The following HMGA2 variants were observed in gnomAD, a reference collection of about 807,000 sequenced individuals.
The protein encoded by HMGA2 is high mobility group AT-hook 2, also known as high mobility group protein HMGI-C.
In HMGA2, 8 loss-of-function variants were observed where a neutral mutation model predicts 19.1. That is an observed-to-expected ratio of 0.42 (90% CI 0.25 to 0.76). The LOEUF (loss-of-function observed/expected upper bound fraction) is 0.76. Among genes scored for constraint, HMGA2 ranks in the 30% least tolerant of loss-of-function variants. The pLI, the probability that HMGA2 is intolerant of heterozygous loss-of-function variation, is 0.28. For missense variants in HMGA2, 109 were observed against 136.3 expected (o/e 0.80, Z 1.00); for synonymous variants, 60 against 48.8 (o/e 1.23, Z -0.96).
intron 3 of HMGA2, among the ~76,000 whole-genome samples, chr12:65,890,352 T>C (rs1417263802): frequency 1.3e-5 from 2 of 152,220 alleles, no homozygotes; most frequent in Admixed American, 1.3e-4. Flanking sequence ...GTTGGATGAA[T>C]GATGGACTGA....
At chr12:65,949,061 T>C (rs1008924395) in intron 3 of HMGA2, among the ~76,000 whole-genome samples, 2 of 152,120 alleles carry the variant, frequency 1.3e-5, no homozygotes, top group Non-Finnish European at 2.9e-5. Context: ...CAAATGACCC[T>C]TTGGAAATGA....
At chr12:65,905,881 CTAAA>C (rs1245498308) in intron 3 of HMGA2, among the ~76,000 whole-genome samples, 1 of 152,054 alleles carries the variant, frequency 6.6e-6, no homozygotes, top group Non-Finnish European at 1.5e-5. Context: ...ATTTTAAAAG[CTAAA>C]TATAGAGTCT....
chr12:65,938,883 C>T (rs549915634), intron 3 of HMGA2, among the ~76,000 whole-genome samples: 2 of 152,156 alleles, frequency 1.3e-5, no homozygotes, highest in African/African-American at 4.8e-5. Flanking sequence ...ATGCCGGCCT[C>T]GAACTCCTAG....
At chr12:65,893,698 T>C (rs961127548) in intron 3 of HMGA2, among the ~76,000 whole-genome samples, 1 of 152,204 alleles carries the variant, frequency 6.6e-6, no homozygotes, top group African/African-American at 2.4e-5. Flanking sequence ...CAAAATGAGC[T>C]TTATTCCAAG....
intron 3 of HMGA2, among the ~76,000 whole-genome samples, chr12:65,884,195 C>A (rs889195935): frequency 6.6e-6 from 1 of 152,096 alleles, no homozygotes; most frequent in Non-Finnish European, 1.5e-5. Flanking sequence ...GATTGAATAT[C>A]CCTAATTTGA....
At chr12:65,912,969 T>C (rs1874909320) in intron 3 of HMGA2, among the ~76,000 whole-genome samples, 1 of 152,230 alleles carries the variant, frequency 6.6e-6, no homozygotes, top group Admixed American at 6.5e-5. Flanking sequence ...GTGCCCCTGC[T>C]CTGAGGCAGG....
chr12:65,927,829 A>ATG (rs1555187375), intron 3 of HMGA2, among the ~76,000 whole-genome samples: 2 of 113,388 alleles, frequency 1.8e-5, no homozygotes, highest in East Asian at 7.7e-4. Context: ...CTCTCTTTGT[A>ATG]TCTGTGTGTG....
intron 3 of HMGA2, among the ~76,000 whole-genome samples, chr12:65,931,246 ATTC>A (rs1875698996): frequency 6.6e-6 from 1 of 152,132 alleles, no homozygotes; most frequent in South Asian, 2.1e-4. Flanking sequence ...GGGTCTTTAT[ATTC>A]TTTTAAGTTA....
chr12:65,887,493 G>C (rs190669999), intron 3 of HMGA2, among the ~76,000 whole-genome samples: 5 of 152,108 alleles, frequency 3.3e-5, no homozygotes, highest in Admixed American at 2.0e-4. Flanking sequence ...GGCTGAGGCC[G>C]GTGGATCACT....
At position 65,901,379 on chromosome 12, in the gene HMGA2, A is replaced by T. The variant is rs554540941; in HGVS notation, c.250-50004A>T. The stretch of plus-strand genomic sequence containing the variant: ...AGTAAACCTTTGACTTCACTGTTTC[A>T]CTTTGGTTTTACTTATTGATATAAA... On this transcript the variant is annotated intron_variant, in intron 3 of 4. Transcript: ENST00000403681. 2.6e-5 allele frequency among the ~76,000 whole-genome samples: 4 copies of T among 152,352 alleles called. No homozygotes were observed. The South Asian group carries it at 8.3e-4, about 32-fold the overall frequency.
intron 3 of HMGA2, among the ~76,000 whole-genome samples, chr12:65,938,745 G>A (rs568289221): frequency 6.6e-6 from 1 of 152,006 alleles, no homozygotes; most frequent in Admixed American, 6.6e-5. Context: ...ACCTCCCCAG[G>A]CTCAGGTGAT....
intron 3 of HMGA2, among the ~76,000 whole-genome samples, chr12:65,936,297 C>G (rs1875892987): frequency 6.6e-6 from 1 of 151,218 alleles, no homozygotes; most frequent in African/African-American, 2.4e-5. Flanking sequence ...CAGGCTAGAG[C>G]TGAATGAAGG....
At chr12:65,874,747 T>C (rs1246758563) in intron 3 of HMGA2, among the ~76,000 whole-genome samples, 1 of 152,244 alleles carries the variant, frequency 6.6e-6, no homozygotes, top group Non-Finnish European at 1.5e-5. Context: ...TTTTTCTGTA[T>C]GTATACATAC....
chr12:65,838,465 A>C, intron 2 of HMGA2, 54 bp from the exon 3 acceptor site: 1 of 1,301,106 alleles, frequency 7.7e-7, no homozygotes, highest in East Asian at 2.3e-5. Context: ...TTGGTGCAGT[A>C]CTTATAAACA....
At chr12:65,877,584 T>A (rs1208671541) in intron 3 of HMGA2, among the ~76,000 whole-genome samples, 1 of 152,180 alleles carries the variant, frequency 6.6e-6, no homozygotes, top group Non-Finnish European at 1.5e-5. Flanking sequence ...CATGGTGCCA[T>A]GCTGACCTTT....
intron 3 of HMGA2, chr12:65,881,638 G>A (rs1488462812): frequency 8.6e-5 from 57 of 663,320 alleles, no homozygotes; most frequent in Middle Eastern, 8.0e-4. Flanking sequence ...GAGGGAGGGA[G>A]GGAGGGAGGG....
intron 2 of HMGA2, among the ~76,000 whole-genome samples, chr12:65,829,964 G>A (rs1408135418): frequency 1.3e-5 from 2 of 151,892 alleles, no homozygotes; most frequent in Admixed American, 6.6e-5. Flanking sequence ...AATTCTTCAT[G>A]TGTATGCATA....
At chr12:65,927,564 C>G (rs11175967) in intron 3 of HMGA2, among the ~76,000 whole-genome samples, 43,267 of 152,000 alleles carry the variant, frequency 0.28, 6,814 homozygotes, top group African/African-American at 0.4. Flanking sequence ...CACAAATTAT[C>G]ACAGTGATCT....
intron 1 of HMGA2, 128 bp from the exon 2 acceptor site, chr12:65,827,873 A>G: frequency 1.4e-6 from 1 of 726,580 alleles, no homozygotes; most frequent in South Asian, 1.5e-5. Flanking sequence ...TCATCCATTT[A>G]TGCTTGAACT....
Sources: allele counts gnomAD v4.1 joint callset (sites outside exome capture counted in the v4.1 genomes callset), GRCh38; gene constraint gnomAD v4.1.1; transcripts MANE v1.5; gene names NCBI Gene and HGNC (gene_info 2026-07-23, HGNC 2026-07-21).